Variants in NRXN3 observed in about 807,000 individuals in gnomAD.
NRXN3 encodes neurexin III.
A neutral mutation model predicts 137.6 loss-of-function variants in NRXN3; 32 were observed. The observed-to-expected ratio is 0.23, with a 90% confidence interval of 0.18 to 0.31. The LOEUF (loss-of-function observed/expected upper bound fraction) is 0.31, where lower values mean the gene tolerates loss of function less well. Ranked by LOEUF, NRXN3 falls within the 10% of genes least tolerant of loss-of-function variation. The probability of loss-of-function intolerance (pLI) is 1.00; values close to 1 mark genes in which losing one functional copy is unlikely to be tolerated. For synonymous variants in NRXN3, 798 were observed against 784.5 expected (o/e 1.02, Z -0.29); for missense variants, 1,574 against 2,062.5 (o/e 0.76, Z 4.59).
intron 4 of NRXN3, among the ~76,000 whole-genome samples, chr14:78,496,449 T>A (rs181149174): frequency 2.4e-3 from 359 of 152,308 alleles, no homozygotes; most frequent in African/African-American, 8.2e-3. Flanking sequence ...ATGATTTTCT[T>A]TTCTTTCTCA....
At chr14:79,073,018 C>A (rs999318799) in intron 15 of NRXN3, among the ~76,000 whole-genome samples, 2 of 151,932 alleles carry the variant, frequency 1.3e-5, no homozygotes, top group Non-Finnish European at 2.9e-5. Flanking sequence ...TCCTGAGTAG[C>A]TGGAATTACA....
At chr14:79,334,088 C>T (rs1336012505) in intron 15 of NRXN3, among the ~76,000 whole-genome samples, 1 of 152,118 alleles carries the variant, frequency 6.6e-6, no homozygotes, top group Non-Finnish European at 1.5e-5. Flanking sequence ...TTACTGAATG[C>T]CTACTATGTC....
At chr14:79,179,734 T>C (rs555398746) in intron 15 of NRXN3, among the ~76,000 whole-genome samples, 1 of 152,316 alleles carries the variant, frequency 6.6e-6, no homozygotes, top group Admixed American at 6.5e-5. Flanking sequence ...TTTATTTGTT[T>C]GCTATAAATA....
intron 15 of NRXN3, among the ~76,000 whole-genome samples, chr14:79,050,444 G>A (rs1471798182): frequency 1.3e-5 from 2 of 152,176 alleles, no homozygotes; most frequent in Non-Finnish European, 2.9e-5. Context: ...CAGCACAGTG[G>A]TTGAAGCTGA....
chr14:79,742,744 C>T (rs1373985228), intron 19 of NRXN3, among the ~76,000 whole-genome samples: 1 of 152,128 alleles, frequency 6.6e-6, no homozygotes, highest in Non-Finnish European at 1.5e-5. Flanking sequence ...CCTATATTAC[C>T]GCAATTTCTT....
intron 15 of NRXN3, among the ~76,000 whole-genome samples, chr14:79,217,700 CA>C (rs762699954): frequency 6.6e-6 from 1 of 151,628 alleles, no homozygotes; most frequent in African/African-American, 2.4e-5. Flanking sequence ...CAAAACAAAA[CA>C]AAAAAAACTC....
chr14:78,847,855 CT>C (rs537262870), intron 10 of NRXN3, among the ~76,000 whole-genome samples: 1 of 152,050 alleles, frequency 6.6e-6, no homozygotes, highest in Admixed American at 6.6e-5. Flanking sequence ...TCTATATACA[CT>C]TTTTCAAAGA....
chr14:79,652,541 G>T (rs1017057743), intron 16 of NRXN3, among the ~76,000 whole-genome samples: 20 of 152,036 alleles, frequency 1.3e-4, no homozygotes, highest in African/African-American at 4.8e-4. Flanking sequence ...TTATACTTTG[G>T]TAGGGATACT....
intron 16 of NRXN3, among the ~76,000 whole-genome samples, chr14:79,635,948 G>A (rs984565204): frequency 5.3e-5 from 8 of 151,992 alleles, no homozygotes; most frequent in Admixed American, 1.3e-4. Context: ...AGAACAGCAT[G>A]GGGGAAACTG....
intron 4 of NRXN3, among the ~76,000 whole-genome samples, chr14:78,572,742 A>C (rs1050125619): frequency 1.3e-5 from 2 of 152,104 alleles, no homozygotes; most frequent in African/African-American, 4.8e-5. Flanking sequence ...TATATTTTAC[A>C]TTTTTTGCTT....
intron 10 of NRXN3, among the ~76,000 whole-genome samples, chr14:78,835,950 C>A (rs192035106): frequency 3.0e-4 from 46 of 152,264 alleles, no homozygotes; most frequent in African/African-American, 1.0e-3. Flanking sequence ...CTTCCAGCCA[C>A]AACACCTCTA....
intron 16 of NRXN3, among the ~76,000 whole-genome samples, chr14:79,522,320 G>A (rs943046674): frequency 6.6e-6 from 1 of 152,060 alleles, no homozygotes; most frequent in Non-Finnish European, 1.5e-5. Context: ...AGGGATATCC[G>A]GTTGTAACTG....
intron 10 of NRXN3, among the ~76,000 whole-genome samples, chr14:78,824,493 A>G (rs971905609): frequency 1.3e-5 from 2 of 152,168 alleles, no homozygotes; most frequent in African/African-American, 4.8e-5. Flanking sequence ...TAACAATTGT[A>G]AGTTTAATGA....
chr14:79,522,771 C>T (rs61995185), intron 16 of NRXN3, among the ~76,000 whole-genome samples: 4,658 of 152,246 alleles, frequency 0.031, 106 homozygotes, highest in Middle Eastern at 0.065. Context: ...TTCCATACTT[C>T]ATTCAGGTGG....
chr14:79,264,481 C>G (rs952959784), intron 15 of NRXN3, among the ~76,000 whole-genome samples: 14 of 151,976 alleles, frequency 9.2e-5, no homozygotes, highest in Admixed American at 9.2e-4. Flanking sequence ...TCTCCTCTCT[C>G]CTTGGCTTGC....
intron 1 of NRXN3, among the ~76,000 whole-genome samples, chr14:78,191,813 C>T (rs567152252): frequency 4.2e-4 from 64 of 152,264 alleles, no homozygotes; most frequent in Non-Finnish European, 7.6e-4. Context: ...ACCACCATGC[C>T]GATGGGTCAG....
intron 10 of NRXN3, among the ~76,000 whole-genome samples, chr14:78,869,439 T>G (rs1299985768): frequency 1.3e-5 from 2 of 152,114 alleles, no homozygotes; most frequent in Non-Finnish European, 2.9e-5. Context: ...CCATTCAAAG[T>G]CTTCTAGTTG....
intron 16 of NRXN3, among the ~76,000 whole-genome samples, chr14:79,494,438 A>C (rs2096746968): frequency 6.6e-6 from 1 of 152,204 alleles, no homozygotes. Context: ...AGAAAGCAAA[A>C]GAGGTGAAAA....
At chr14:79,351,979 T>C (rs1359009315) in intron 15 of NRXN3, among the ~76,000 whole-genome samples, 1 of 152,182 alleles carries the variant, frequency 6.6e-6, no homozygotes, top group East Asian at 1.9e-4. Flanking sequence ...GGATATTAGC[T>C]CCATGAATCT....
Sources: allele counts gnomAD v4.1 joint callset (sites outside exome capture counted in the v4.1 genomes callset), GRCh38; gene constraint gnomAD v4.1.1; transcripts MANE v1.5; gene names NCBI Gene and HGNC (gene_info 2026-07-23, HGNC 2026-07-21).